The following PRIM2 variants were observed in gnomAD, a reference collection of about 807,000 sequenced individuals.
PRIM2 encodes the protein DNA primase large subunit.
In PRIM2, 39 loss-of-function variants were observed where a neutral mutation model predicts 67.3. The observed-to-expected ratio is 0.58, with a 90% CI of 0.45 to 0.76. The LOEUF is 0.76. PRIM2 is among the 30% of genes least tolerant of loss of function. The pLI, the probability that PRIM2 is intolerant of heterozygous loss-of-function variation, is 0.00. For missense variants in PRIM2, 398 were observed against 598.7 expected (o/e 0.66, Z 3.50); for synonymous variants, 143 against 198.7 (o/e 0.72, Z 2.36).
chr6:57,440,801 GTC>G (rs1364408447), intron 7 of PRIM2, among the ~76,000 whole-genome samples: 3 of 152,194 alleles, frequency 2.0e-5, no homozygotes, highest in Non-Finnish European at 4.4e-5. Context: ...CTGTGAAGCT[GTC>G]TCTGTCTAAA....
At chr6:57,299,491 T>A in the PRIM2 span, among the ~76,000 whole-genome samples, 1 of 152,180 alleles carries the variant, frequency 6.6e-6, no homozygotes, top group Non-Finnish European at 1.5e-5. Flanking sequence ...ATTTAGGAAT[T>A]GTCCTGGACT....
At chr6:57,318,311 A>G (rs1377820015) in intron 1 of PRIM2, 126 bp from the exon 2 acceptor site, 13 of 901,638 alleles carry the variant, frequency 1.4e-5, no homozygotes, top group Non-Finnish European at 2.0e-5. Flanking sequence ...CACTGCTAAC[A>G]TTTTGTGCAT....
chr6:57,496,609 G>T (rs1774010347), intron 7 of PRIM2, among the ~76,000 whole-genome samples: 1 of 152,136 alleles, frequency 6.6e-6, no homozygotes, highest in South Asian at 2.1e-4. Flanking sequence ...TTTGGTTCTG[G>T]AAAACCTAGA....
intron 3 of PRIM2, among the ~76,000 whole-genome samples, chr6:57,323,502 C>T (rs549842122): frequency 2.0e-5 from 3 of 151,802 alleles, no homozygotes; most frequent in Admixed American, 6.6e-5. Context: ...GTTTACTTCT[C>T]GGTTTCATCT....
chr6:57,284,932 A>G, the PRIM2 span, among the ~76,000 whole-genome samples: 3 of 152,212 alleles, frequency 2.0e-5, no homozygotes, highest in Non-Finnish European at 2.9e-5. Context: ...AAAAAATGAT[A>G]AAGGGGATAT....
chr6:57,307,979 C>T, the PRIM2 span, among the ~76,000 whole-genome samples: 1 of 152,082 alleles, frequency 6.6e-6, no homozygotes, highest in Middle Eastern at 3.2e-3. Context: ...CAGTATTGTC[C>T]TATGACTTGC....
intron 11 of PRIM2, among the ~76,000 whole-genome samples, chr6:57,604,109 G>C (rs1776520203): frequency 2.6e-5 from 4 of 152,152 alleles, no homozygotes; most frequent in African/African-American, 2.4e-5. Context: ...GAGTTCAAGA[G>C]CAGCCTGGCC....
intron 10 of PRIM2, among the ~76,000 whole-genome samples, chr6:57,543,399 A>T (rs1775219141): frequency 6.6e-6 from 1 of 152,138 alleles, no homozygotes; most frequent in African/African-American, 2.4e-5. Flanking sequence ...GTAACAGTCA[A>T]TTTCAACTGG....
chr6:57,316,684 C>T (rs527325259), upstream of PRIM2, among the ~76,000 whole-genome samples: 1 of 152,340 alleles, frequency 6.6e-6, no homozygotes, highest in South Asian at 2.1e-4. Context: ...GGCACGCCTC[C>T]TAGAGGCCAC....
chr6:57,431,481 C>T (rs1418122372), intron 7 of PRIM2, among the ~76,000 whole-genome samples: 2 of 151,874 alleles, frequency 1.3e-5, no homozygotes, highest in Admixed American at 6.6e-5. Flanking sequence ...AGTGAGACCT[C>T]CATCTCTCCT....
rs1021534914 is a variant in PRIM2 at position 57,320,470 on chromosome 6, T to TG, written c.169dup (p.Glu57GlyfsTer12). 1 of 1,602,190 alleles carries TG rather than the reference T, an allele frequency of 6.2e-7. No individual in the cohort carries two copies. The highest frequency in any genetic ancestry group is 8.5e-7 in the Non-Finnish European group (1 of 1,176,240). On this transcript the variant is annotated frameshift_variant, in exon 3 of 14. Transcript: ENST00000615550. LOFTEE classifies it high-confidence loss of function. ...TCTTTTTTTTAGTGTTAAAATCAGT[T>TG]GAAAATCTTGGAGTGAGCTATGTGA...
At chr6:57,270,574 C>T in the PRIM2 span, among the ~76,000 whole-genome samples, 1 of 152,172 alleles carries the variant, frequency 6.6e-6, no homozygotes, top group Non-Finnish European at 1.5e-5. Flanking sequence ...CATCTGCAAA[C>T]AGGAACGATT....
At chr6:57,275,639 A>T in the PRIM2 span, among the ~76,000 whole-genome samples, 1 of 152,330 alleles carries the variant, frequency 6.6e-6, no homozygotes, top group Admixed American at 6.5e-5. Flanking sequence ...TTAAGTCAAG[A>T]CTTTAAACAG....
the PRIM2 span, among the ~76,000 whole-genome samples, chr6:57,224,269 AAGAG>A: frequency 6.6e-6 from 1 of 152,114 alleles, no homozygotes; most frequent in Admixed American, 6.5e-5. Context: ...TCAAAAATAA[AAGAG>A]AGAGAGGGAA....
intron 7 of PRIM2, among the ~76,000 whole-genome samples, chr6:57,500,953 C>T (rs1554346794): frequency 6.6e-6 from 1 of 152,206 alleles, no homozygotes; most frequent in Non-Finnish European, 1.5e-5. Flanking sequence ...GTTGTATGTG[C>T]TTCAGAACTT....
At chr6:57,274,603 T>A in the PRIM2 span, among the ~76,000 whole-genome samples, 3 of 152,248 alleles carry the variant, frequency 2.0e-5, no homozygotes, top group South Asian at 2.1e-4. Flanking sequence ...CGCCCTGCTT[T>A]GGCTCGTGCA....
intron 10 of PRIM2, among the ~76,000 whole-genome samples, chr6:57,582,834 T>C (rs1776120963): frequency 5.3e-5 from 8 of 151,206 alleles, no homozygotes. Flanking sequence ...ATGTGCACAA[T>C]GTGCAGGTTA....
At chr6:57,224,773 C>T in the PRIM2 span, among the ~76,000 whole-genome samples, 1 of 152,176 alleles carries the variant, frequency 6.6e-6, no homozygotes, top group East Asian at 1.9e-4. Flanking sequence ...GATTGTTGGA[C>T]ATTGAAGGAG....
Position 57,601,161 on chromosome 6 carries a change from A to G in PRIM2, c.1089A>G (p.Thr363=), listed in dbSNP as rs1776456642. Reference sequence around the variant, plus strand: ...AGGAAGGCAAGAGGACAGACTATACACCTTTCAGTTGCCTGAAGATTATTC... The same window carrying G: ...AGGAAGGCAAGAGGACAGACTATACGCCTTTCAGTTGCCTGAAGATTATTC... The part of the protein sequence containing the change: ...FGKEGKRTDY[T]PFSCLKIILS... The change falls in exon 11 of 14, where the codon ACA becomes ACG. Residue 363 remains threonine, a synonymous_variant. Coordinates refer to ENST00000615550, the MANE Select transcript of PRIM2 (RefSeq NM_000947.5). 5.0e-6 allele frequency: 8 copies of G among 1,612,618 alleles called. No homozygotes were observed. In the African/African-American group the frequency reaches 1.1e-4, roughly 22 times the overall value.
Sources: allele counts gnomAD v4.1 joint callset (sites outside exome capture counted in the v4.1 genomes callset), GRCh38; gene constraint gnomAD v4.1.1; transcripts MANE v1.5; gene names NCBI Gene and HGNC (gene_info 2026-07-23, HGNC 2026-07-21).